The following TTC23L variants were observed in gnomAD, a reference collection of about 807,000 sequenced individuals.
TTC23L encodes tetratricopeptide repeat protein 23-like.
In TTC23L, 42 loss-of-function variants were observed where a neutral mutation model predicts 48.1. That is an observed-to-expected ratio of 0.87 (90% confidence interval 0.68 to 1.13). The LOEUF (loss-of-function observed/expected upper bound fraction) is 1.13. Among genes scored for constraint, TTC23L ranks in the 50% most tolerant of loss-of-function variants. TTC23L has a pLI of 0.00. For synonymous variants in TTC23L, 159 were observed against 157.2 expected, an observed-to-expected ratio of 1.01 and a Z score of -0.09; for missense variants, 391 against 421.0, an observed-to-expected ratio of 0.93 and a Z score of 0.62.
intron 8 of TTC23L, among the ~76,000 whole-genome samples, chr5:34,877,916 C>T (rs1306396491): frequency 1.3e-5 from 2 of 152,016 alleles, no homozygotes; most frequent in South Asian, 2.1e-4. Context: ...CAGATGACAT[C>T]GTCTGATTAG....
chr5:34,869,723 CT>C (rs1432458155), intron 8 of TTC23L: 1 of 152,046 alleles, frequency 6.6e-6, no homozygotes. Context: ...TAAAAGTAAC[CT>C]TTTTGTGTAT....
chr5:34,886,943 GGGTGTGGCAAGA>G (rs1762580934), intron 9 of TTC23L, among the ~76,000 whole-genome samples: 1 of 152,124 alleles, frequency 6.6e-6, no homozygotes, highest in Admixed American at 6.5e-5. Flanking sequence ...CCTTGCAGTG[GGGTGTGGCAAGA>G]GGTGTTCAAC....
At chr5:34,841,815 G>A (rs1161582968) in intron 2 of TTC23L, among the ~76,000 whole-genome samples, 1 of 152,182 alleles carries the variant, frequency 6.6e-6, no homozygotes, top group Admixed American at 6.5e-5. Flanking sequence ...CTGTGCCCAG[G>A]TAGAGTCCAT....
At chr5:34,888,721 C>T (rs1390380559) in intron 9 of TTC23L, among the ~76,000 whole-genome samples, 4 of 152,168 alleles carry the variant, frequency 2.6e-5, no homozygotes, top group African/African-American at 9.7e-5. Flanking sequence ...TTCTTACAGT[C>T]TCATAGAACC....
the TTC23L span, chr5:34,914,750 C>A: frequency 1.1e-5 from 18 of 1,614,190 alleles, no homozygotes; most frequent in Non-Finnish European, 1.5e-5. Flanking sequence ...TACTTTGATA[C>A]CATTTTTAGT....
chr5:34,879,531 GTTTT>G lies in TTC23L; in HGVS notation c.950-649_950-646del, dbSNP rs1443222450. Among the ~76,000 whole-genome samples the G allele has an allele frequency of 2.0e-5, 3 of 152,090 alleles. No individual in the cohort carries two copies. In the East Asian group the frequency reaches 5.8e-4, roughly 29 times the overall value. ...AACCTTAGTAAACATTACTATCAGA[GTTTT>G]ATTTAGCTAAAAATATAGTCTTGCA... is the stretch of plus-strand genomic sequence containing the variant. On this transcript the variant is annotated intron_variant, in intron 8 of 10. Coordinates refer to ENST00000505624, the Ensembl canonical transcript of TTC23L.
chr5:34,924,858 A>T, the TTC23L span: 7 of 1,602,772 alleles, frequency 4.4e-6, no homozygotes, highest in South Asian at 1.1e-5. Context: ...TCATAGAAGA[A>T]GATGCTGCTC....
intron 4 of TTC23L, among the ~76,000 whole-genome samples, chr5:34,859,888 G>A (rs1432741890): frequency 7.2e-6 from 1 of 138,148 alleles, no homozygotes; most frequent in African/African-American, 2.7e-5. Flanking sequence ...CTGTTGTCCA[G>A]GCTGGAGTGC....
intron 9 of TTC23L, among the ~76,000 whole-genome samples, chr5:34,890,268 A>G (rs1762784086): frequency 2.0e-5 from 3 of 151,662 alleles, no homozygotes; most frequent in Admixed American, 2.0e-4. Context: ...AACATGGTGA[A>G]GCGCCATCGC....
At chr5:34,879,236 T>C (rs528502040) in intron 8 of TTC23L, among the ~76,000 whole-genome samples, 126 of 152,258 alleles carry the variant, frequency 8.3e-4, no homozygotes, top group Non-Finnish European at 1.2e-3. Context: ...ACAATGTATG[T>C]TATTTGGGTT....
At chr5:34,870,531 A>G (rs1050536651) in intron 8 of TTC23L, among the ~76,000 whole-genome samples, 1 of 152,200 alleles carries the variant, frequency 6.6e-6, no homozygotes, top group African/African-American at 2.4e-5. Flanking sequence ...TCTAGCATCT[A>G]AAGAAGGAAT....
chr5:34,850,046 T>C (rs1759536769), intron 3 of TTC23L, 139 bp from the exon 4 acceptor site: 2 of 996,660 alleles, frequency 2.0e-6, no homozygotes, highest in Non-Finnish European at 2.9e-6. Flanking sequence ...CCAGACCTGA[T>C]GGATTAGACA....
downstream of TTC23L, among the ~76,000 whole-genome samples, chr5:34,902,888 A>G (rs576547602): frequency 4.6e-5 from 7 of 152,088 alleles, no homozygotes; most frequent in South Asian, 1.5e-3. Context: ...TTCTGAATTG[A>G]TTACAGTAGC....
downstream of TTC23L, among the ~76,000 whole-genome samples, chr5:34,903,580 A>C (rs998379784): frequency 4.6e-5 from 7 of 152,194 alleles, no homozygotes; most frequent in African/African-American, 1.4e-4. Context: ...CCATTATAGT[A>C]TCATACATAT....
chr5:34,915,910 G>A, the TTC23L span: 2 of 1,543,446 alleles, frequency 1.3e-6, no homozygotes, highest in Admixed American at 2.1e-5. Flanking sequence ...AGGAGGGGAT[G>A]TCCCCGGGCT....
exon 10 of TTC23L, chr5:34,896,809 TC>T: frequency 1.3e-6 from 1 of 756,096 alleles, no homozygotes. Context: ...GAGAAGCCAT[TC>T]CTGGAAGAAG....
chr5:34,900,910 C>T (rs759384378), downstream of TTC23L, among the ~76,000 whole-genome samples: 16 of 152,146 alleles, frequency 1.1e-4, no homozygotes, highest in African/African-American at 1.4e-4. Flanking sequence ...CGCGCACTGC[C>T]GCAGCAGTAG....
At chr5:34,884,815 A>G (rs1427099331) in intron 9 of TTC23L, among the ~76,000 whole-genome samples, 1 of 152,242 alleles carries the variant, frequency 6.6e-6, no homozygotes, top group Non-Finnish European at 1.5e-5. Context: ...CAAAAATATT[A>G]CAGTAGTAGC....
chr5:34,848,578 A>G (rs552191945), intron 3 of TTC23L, among the ~76,000 whole-genome samples: 1 of 152,344 alleles, frequency 6.6e-6, no homozygotes, highest in East Asian at 1.9e-4. Context: ...ATATTGAGTG[A>G]TGAAGTGGTG....
Sources: gnomAD v4.1 joint callset for allele counts (sites outside exome capture counted in the v4.1 genomes callset) on GRCh38, gnomAD v4.1.1 for gene constraint, MANE v1.5 for transcripts, NCBI Gene and HGNC (gene_info 2026-07-23, HGNC 2026-07-21) for gene names.